The following ZNF585B variants were observed in gnomAD, a reference collection of about 807,000 sequenced individuals.
ZNF585B encodes zinc finger protein 41-like protein.
ZNF585B carries 7 observed loss-of-function variants against 14.0 expected under a neutral mutation model. The observed-to-expected ratio is 0.50, with a 90% confidence interval of 0.28 to 0.94. The LOEUF is 0.94. Ranked by LOEUF, ZNF585B falls within the 40% of genes least tolerant of loss-of-function variation. The probability of loss-of-function intolerance (pLI) is 0.09; values close to 1 mark genes in which losing one functional copy is unlikely to be tolerated. For synonymous variants in ZNF585B, 290 were observed against 317.3 expected (o/e 0.91, Z 0.91); for missense variants, 750 against 924.4 (o/e 0.81, Z 2.45).
chr19:37,183,523 G>A lies in ZNF585B; in HGVS notation c.*1704C>T, dbSNP rs1454689934. ...AGGCAGCATGGTGGAAATTGCTAGG[G>A]AGAAGAATAAAGGAGGAAGGGTAAG... On this transcript the variant is annotated 3_prime_UTR_variant, in exon 5 of 5. Transcript: ENST00000532828. The A allele has an allele frequency of 6.6e-6, 1 of 152,188 alleles. No individual in the cohort carries two copies. Among genetic ancestry groups the A allele is most frequent in the African/African-American group, 2.4e-5 (1 of 41,430 alleles). The allele number at this position is 152,188 out of a possible 1,614,324, so 9.4% of individuals were successfully genotyped here.
intron 2 of ZNF585B, among the ~76,000 whole-genome samples, chr19:37,200,284 G>A (rs1282501222): frequency 1.3e-5 from 2 of 151,856 alleles, no homozygotes; most frequent in Non-Finnish European, 2.9e-5. Flanking sequence ...AGGCACGGTG[G>A]CTCACGCCTC....
chr19:37,197,551 G>A lies in ZNF585B; in HGVS notation c.73-7401C>T, dbSNP rs1051555371. ...TCTAGTTCTAGATCCTTGAGGAATCGCCACACTGTCTTCCACAATGGTTGA... is the reference window on the plus strand; with the variant it reads ...TCTAGTTCTAGATCCTTGAGGAATCACCACACTGTCTTCCACAATGGTTGA... On this transcript the variant is annotated intron_variant, in intron 2 of 4. Coordinates refer to ENST00000532828, the MANE Select transcript of ZNF585B (RefSeq NM_152279.4). 2.0e-5 allele frequency among the ~76,000 whole-genome samples: 3 copies of A among 152,192 alleles called. No homozygotes were observed. In the South Asian group the frequency reaches 6.2e-4, roughly 32 times the overall value.
Position 37,187,172 on chromosome 19 carries a change from T to A in ZNF585B, c.365A>T (p.Lys122Ile). ...GYKPASSQDQ[K>I]IYSGEKSYEC... ...ATAGGATTTTTCCCCAGAATAAATT[T>A]TTTGATCTTGAGAGGAAGCTGGTTT... Residue 122 changes from lysine to isoleucine, a missense_variant, in exon 5 of 5, where the codon AAA becomes ATA. Lys to Ile is a moderately radical substitution (Grantham distance 102). This residue lies in a region of ZNF585B where 517 missense variants were observed against 570.3 expected (regional missense o/e 0.91). Coordinates refer to ENST00000532828, the MANE Select transcript of ZNF585B (RefSeq NM_152279.4). 1.2e-6 allele frequency: 2 copies of A among 1,613,684 alleles called. No homozygotes were observed. Among genetic ancestry groups the A allele is most frequent in the Non-Finnish European group, 8.5e-7 (1 of 1,179,910 alleles).
intron 2 of ZNF585B, among the ~76,000 whole-genome samples, chr19:37,193,062 G>A (rs1972420204): frequency 6.6e-6 from 1 of 152,066 alleles, no homozygotes; most frequent in Non-Finnish European, 1.5e-5. Flanking sequence ...TTGAAGCCAG[G>A]AGGCAGAGGT....
At chr19:37,196,731 T>G (rs1306019244) in intron 2 of ZNF585B, among the ~76,000 whole-genome samples, 2 of 152,194 alleles carry the variant, frequency 1.3e-5, no homozygotes, top group Non-Finnish European at 2.9e-5. Context: ...CTCTTCCTTT[T>G]GATTTTCTTA....
intron 4 of ZNF585B, among the ~76,000 whole-genome samples, chr19:37,187,833 G>A (rs1972356295): frequency 1.3e-5 from 2 of 152,010 alleles, no homozygotes; most frequent in Non-Finnish European, 2.9e-5. Flanking sequence ...AAACATTCTG[G>A]GGAACAATTC....
intron 3 of ZNF585B, 68 bp from the exon 4 acceptor site, chr19:37,189,821 T>G: frequency 1.2e-6 from 2 of 1,603,784 alleles, no homozygotes; most frequent in Admixed American, 1.7e-5. Context: ...AAATACAGTC[T>G]TATTGTTCAA....
Position 37,189,906 on chromosome 19 carries a change from C to G in ZNF585B, c.199+118G>C, listed in dbSNP as rs997488022. The stretch of plus-strand genomic sequence containing the variant: ...TGAGTACCCTAAACAAACAGAGAAC[C>G]CTGGAGGAAAAAAGGACAAAACCAT... On this transcript the variant is annotated intron_variant, in intron 3 of 4. Coordinates refer to ENST00000532828, the MANE Select transcript of ZNF585B (RefSeq NM_152279.4). 2.6e-6 allele frequency: 4 copies of G among 1,559,328 alleles called. No homozygotes were observed. In the East Asian group the frequency reaches 9.0e-5, roughly 35 times the overall value.
At chr19:37,192,870 T>A (rs1437272749) in intron 2 of ZNF585B, among the ~76,000 whole-genome samples, 1 of 151,004 alleles carries the variant, frequency 6.6e-6, no homozygotes, top group African/African-American at 2.4e-5. Context: ...GCACAGTGGC[T>A]CACGCCTATT....
intron 2 of ZNF585B, among the ~76,000 whole-genome samples, chr19:37,201,053 T>C (rs1972526159): frequency 6.8e-6 from 1 of 147,942 alleles, no homozygotes; most frequent in African/African-American, 2.5e-5. Flanking sequence ...ATCATGCCAT[T>C]GCACTCCAGC....
intron 4 of ZNF585B, among the ~76,000 whole-genome samples, chr19:37,188,504 AAT>A: frequency 6.6e-6 from 1 of 151,736 alleles, no homozygotes; most frequent in Admixed American, 6.6e-5. Flanking sequence ...AATAAATAAA[AAT>A]AAAAATACAA....
At chr19:37,203,710 C>T (rs1376337626) in intron 2 of ZNF585B, among the ~76,000 whole-genome samples, 2 of 152,068 alleles carry the variant, frequency 1.3e-5, no homozygotes, top group African/African-American at 4.8e-5. Flanking sequence ...CTCACCGAAA[C>T]CTCCACCTCC....
At chr19:37,187,502 T>C (rs1274170028) in intron 4 of ZNF585B, among the ~76,000 whole-genome samples, 1 of 152,230 alleles carries the variant, frequency 6.6e-6, no homozygotes, top group Non-Finnish European at 1.5e-5. Flanking sequence ...GCAACATCAC[T>C]TAGATACTTA....
chr19:37,190,353 C>A, intron 2 of ZNF585B: 1 of 548,178 alleles, frequency 1.8e-6, no homozygotes, highest in Non-Finnish European at 3.0e-6. Context: ...TCAAGTGATT[C>A]TCCTGCCTCA....
At chr19:37,198,581 C>T (rs572802297) in intron 2 of ZNF585B, among the ~76,000 whole-genome samples, 44 of 150,184 alleles carry the variant, frequency 2.9e-4, no homozygotes, top group African/African-American at 1.0e-3. Flanking sequence ...ACTAAAAATA[C>T]AAAAATTAGC....
chr19:37,207,407 G>A (rs1972597537), intron 1 of ZNF585B, among the ~76,000 whole-genome samples, 153 bp from the exon 2 acceptor site: 1 of 152,230 alleles, frequency 6.6e-6, no homozygotes, highest in South Asian at 2.1e-4. Context: ...TTAAAACATA[G>A]TTTAAAATTC....
chr19:37,191,864 T>A (rs1972405409), intron 2 of ZNF585B, among the ~76,000 whole-genome samples: 1 of 151,966 alleles, frequency 6.6e-6, no homozygotes, highest in Non-Finnish European at 1.5e-5. Context: ...AAACCCTGTC[T>A]CTACTAAAAA....
At chr19:37,188,864 G>C (rs1335915346) in intron 4 of ZNF585B, among the ~76,000 whole-genome samples, 1 of 152,136 alleles carries the variant, frequency 6.6e-6, no homozygotes, top group African/African-American at 2.4e-5. Context: ...TGAAGGACTG[G>C]GAAGATAAGA....
At chr19:37,209,655 T>C (rs187081373) in intron 1 of ZNF585B, among the ~76,000 whole-genome samples, 97 of 151,752 alleles carry the variant, frequency 6.4e-4, no homozygotes, top group African/African-American at 2.3e-3. Flanking sequence ...GAGGAAGAAC[T>C]AGGCCATAAA....
Sources: gnomAD v4.1 joint callset for allele counts (sites outside exome capture counted in the v4.1 genomes callset) on GRCh38, gnomAD v4.1.1 for gene constraint, gnomAD v4.1.1 regional missense constraint, MANE v1.5 for transcripts, NCBI Gene and HGNC (gene_info 2026-07-23, HGNC 2026-07-21) for gene names.